The following CHRM3 variants were observed in gnomAD, a reference collection of about 807,000 sequenced individuals.
CHRM3 encodes cholinergic receptor muscarinic 3, also known as muscarinic acetylcholine receptor M3.
Under a neutral mutation model 41.8 loss-of-function variants are expected in CHRM3, and 11 were observed. The ratio of observed to expected loss-of-function variants is 0.26; its 90% CI spans 0.17 to 0.44. CHRM3 has a LOEUF of 0.44. CHRM3 is among the 20% of genes least tolerant of loss of function. CHRM3 has a pLI of 1.00. For missense variants in CHRM3, 571 were observed against 745.4 expected, an observed-to-expected ratio of 0.77 and a Z score of 2.72; for synonymous variants, 297 against 301.4, an observed-to-expected ratio of 0.99 and a Z score of 0.15.
At chr1:239,767,079 A>C (rs909620643) in intron 5 of CHRM3, among the ~76,000 whole-genome samples, 4 of 152,132 alleles carry the variant, frequency 2.6e-5, no homozygotes, top group Non-Finnish European at 5.9e-5. Flanking sequence ...TTTGCTTGCT[A>C]ATTATATTTT....
intron 2 of CHRM3, among the ~76,000 whole-genome samples, chr1:239,543,237 T>C (rs1357368792): frequency 6.6e-6 from 1 of 152,188 alleles, no homozygotes; most frequent in Non-Finnish European, 1.5e-5. Context: ...TCCATCCTCA[T>C]TGCCTCAGCT....
chr1:239,721,707 C>CA (rs1413249777), intron 5 of CHRM3, among the ~76,000 whole-genome samples: 4 of 151,672 alleles, frequency 2.6e-5, no homozygotes, highest in Non-Finnish European at 4.4e-5. Context: ...ATGGAATAGC[C>CA]AATAGGTATT....
At chr1:239,654,139 G>A (rs10925943) in intron 4 of CHRM3, among the ~76,000 whole-genome samples, 53,347 of 151,528 alleles carry the variant, frequency 0.35, 9,781 homozygotes, top group African/African-American at 0.44. Context: ...TTTTTGGAAA[G>A]AATACCTTTT....
intron 1 of CHRM3, among the ~76,000 whole-genome samples, chr1:239,411,321 C>T (rs1661043679): frequency 6.6e-6 from 1 of 152,118 alleles, no homozygotes; most frequent in Non-Finnish European, 1.5e-5. Flanking sequence ...TTGTGCCTTT[C>T]ACTTTTAAAA....
rs1680461721 is a variant in CHRM3, at chr1:239,913,235, G to T, written c.*4011G>T. ...CAAATACCACTCCAACCCAGCACCTGAGGTCGGGCAAACTCACAAAATAGA... is the reference window on the plus strand; with the variant it reads ...CAAATACCACTCCAACCCAGCACCTTAGGTCGGGCAAACTCACAAAATAGA... On this transcript the variant is annotated 3_prime_UTR_variant, in exon 7 of 7. Transcript: ENST00000676153. 6.0e-6 allele frequency: 1 copy of T among 167,068 alleles called. No homozygotes were observed. The highest frequency in any genetic ancestry group is 1.5e-5 in the Non-Finnish European group (1 of 68,116). 10.3% of individuals were successfully genotyped at this position (167,068 alleles called of 1,614,324 possible).
intron 2 of CHRM3, among the ~76,000 whole-genome samples, chr1:239,524,612 G>A (rs1278116287): frequency 6.6e-6 from 1 of 152,096 alleles, no homozygotes; most frequent in Non-Finnish European, 1.5e-5. Context: ...ACCTGAGCAT[G>A]AAAACCAGAT....
At chr1:239,864,206 T>C (rs938176164) in intron 6 of CHRM3, among the ~76,000 whole-genome samples, 5 of 151,530 alleles carry the variant, frequency 3.3e-5, no homozygotes, top group African/African-American at 1.2e-4. Context: ...CCAAAAAAAC[T>C]CTGAAAGGTA....
At chr1:239,771,372 T>C (rs543623100) in intron 5 of CHRM3, among the ~76,000 whole-genome samples, 1 of 152,212 alleles carries the variant, frequency 6.6e-6, no homozygotes, top group East Asian at 1.9e-4. Context: ...CTGAGACTCC[T>C]TGCTCCAGAC....
chr1:239,708,064 C>T (rs1271267006), intron 5 of CHRM3, among the ~76,000 whole-genome samples: 1 of 152,210 alleles, frequency 6.6e-6, no homozygotes, highest in Non-Finnish European at 1.5e-5. Context: ...AGTGAATGTG[C>T]TAATTCTGCA....
intron 1 of CHRM3, among the ~76,000 whole-genome samples, chr1:239,424,465 C>T (rs1209058329): frequency 6.6e-6 from 1 of 152,162 alleles, no homozygotes; most frequent in African/African-American, 2.4e-5. Context: ...ATGGACATGA[C>T]ATTTTGTTCA....
At chr1:239,681,472 A>T (rs1337865243) in intron 5 of CHRM3, among the ~76,000 whole-genome samples, 1 of 152,194 alleles carries the variant, frequency 6.6e-6, no homozygotes, top group Non-Finnish European at 1.5e-5. Context: ...TCAACATGAA[A>T]CCATCAGTGT....
intron 3 of CHRM3, among the ~76,000 whole-genome samples, chr1:239,622,536 G>A (rs1026535515): frequency 1.3e-5 from 2 of 152,086 alleles, no homozygotes; most frequent in African/African-American, 4.8e-5. Flanking sequence ...TGATTTTGAG[G>A]GGTTCAAGAC....
chr1:239,743,352 T>C (rs1350992406), intron 5 of CHRM3, among the ~76,000 whole-genome samples: 1 of 152,242 alleles, frequency 6.6e-6, no homozygotes, highest in Non-Finnish European at 1.5e-5. Context: ...CTTATTTGAA[T>C]TTTAATTCCC....
At chr1:239,799,768 CA>C (rs1331591279) in intron 5 of CHRM3, among the ~76,000 whole-genome samples, 1 of 152,140 alleles carries the variant, frequency 6.6e-6, no homozygotes, top group Non-Finnish European at 1.5e-5. Context: ...AGCCCTGTCT[CA>C]GGGGGAGAAA....
chr1:239,616,035 T>A (rs1667592296), intron 3 of CHRM3, among the ~76,000 whole-genome samples: 1 of 152,188 alleles, frequency 6.6e-6, no homozygotes, highest in Non-Finnish European at 1.5e-5. Context: ...TTAAAACCAG[T>A]GATGGCTAGT....
rs184422909 is a variant in CHRM3, at chr1:239,852,357, C to T, written c.-20+24979C>T. On this transcript the variant is annotated intron_variant, in intron 6 of 6. Transcript: ENST00000676153. Reference sequence around the variant, plus strand: ...GTCATTGTAACTTTAAGCTGTGTGCCCCTCTGGAAACCTTTAAAGTTCCTT... The same window carrying T: ...GTCATTGTAACTTTAAGCTGTGTGCTCCTCTGGAAACCTTTAAAGTTCCTT... 1.2e-3 allele frequency among the ~76,000 whole-genome samples: 182 copies of T among 152,184 alleles called. 1 individual carries two copies. Among genetic ancestry groups the T allele is most frequent in the African/African-American group, 4.2e-3 (175 of 41,528 alleles).
intron 1 of CHRM3, among the ~76,000 whole-genome samples, chr1:239,424,054 C>CA (rs772980892): frequency 0.054 from 4,202 of 78,320 alleles, 226 homozygotes; most frequent in African/African-American, 0.17. Flanking sequence ...GACTCTGTCT[C>CA]AAAAAAAAAA....
intron 5 of CHRM3, among the ~76,000 whole-genome samples, chr1:239,778,878 G>T (rs144448984): frequency 2.4e-4 from 36 of 151,980 alleles, no homozygotes; most frequent in African/African-American, 8.2e-4. Flanking sequence ...TGCAATGACC[G>T]TATAAAGTCC....
chr1:239,464,154 A>G (rs1665556807), intron 1 of CHRM3, among the ~76,000 whole-genome samples: 3 of 151,800 alleles, frequency 2.0e-5, no homozygotes, highest in African/African-American at 7.2e-5. Context: ...GTGATGCACA[A>G]CTGTAGTCCC....
Sources: gnomAD v4.1 joint callset for allele counts (sites outside exome capture counted in the v4.1 genomes callset) on GRCh38, gnomAD v4.1.1 for gene constraint, MANE v1.5 for transcripts, NCBI Gene and HGNC (gene_info 2026-07-23, HGNC 2026-07-21) for gene names.